NRN1L: variants seen among roughly 807,000 people sequenced by gnomAD.
NRN1L encodes the protein neuritin-like protein.
In NRN1L, 12 loss-of-function variants were observed where a neutral mutation model predicts 8.8. The observed-to-expected ratio is 1.36, with a 90% CI of 0.87 to 2.20. The LOEUF is 2.20. Among genes scored for constraint, NRN1L ranks in the 30% most tolerant of loss-of-function variants. The pLI, the probability that NRN1L is intolerant of heterozygous loss-of-function variation, is 0.00. For missense variants in NRN1L, 266 were observed against 232.4 expected, an observed-to-expected ratio of 1.14 and a Z score of -0.94; for synonymous variants, 114 against 99.2, an observed-to-expected ratio of 1.15 and a Z score of -0.88.
chr16:67,885,698 ACCCCACCCCCG>A lies in NRN1L; in HGVS notation c.80-17_80-7del. ...TCATCCTATCTACCATTCCTTCCCC[ACCCCACCCCCG>A]CCCCACTTCTAGTCCTTTTACCTCC... On this transcript the variant is annotated splice_polypyrimidine_tract_variant and intron_variant, in intron 1 of 2. Transcript: ENST00000339176. The A allele has an allele frequency of 1.0e-5, 7 of 680,258 alleles. No individual in the cohort carries two copies. Among genetic ancestry groups the A allele is most frequent in the Non-Finnish European group, 1.7e-5 (7 of 423,018 alleles). 42.1% of individuals were successfully genotyped at this position (680,258 alleles called of 1,614,324 possible).
downstream of NRN1L, among the ~76,000 whole-genome samples, chr16:67,888,457 T>G (rs2058102702): frequency 6.6e-6 from 1 of 152,036 alleles, no homozygotes; most frequent in Non-Finnish European, 1.5e-5. Flanking sequence ...TTCCCCTGGT[T>G]TTTGCTCTCT....
rs1402481690 is a variant in NRN1L at position 67,886,079 on chromosome 16, C to G, written c.318C>G (p.Pro106=). 9 of 1,613,360 alleles carry G rather than the reference C, an allele frequency of 5.6e-6. No individual in the cohort carries two copies. The Admixed American group carries it at 1.5e-4, about 27-fold the overall frequency. The change falls in exon 3 of 3, where the codon CCC becomes CCG. Residue 106 remains proline, a synonymous_variant. Coordinates refer to ENST00000339176, the MANE Select transcript of NRN1L (RefSeq NM_198443.2). The part of the protein sequence containing the change: ...ESLQQEARQA[P]RPNNLHTLCG... ...TACAGCAAGAAGCTCGCCAGGCCCCCCGTCCGAATAACTTGCACACTCTGT... is the reference window on the plus strand; with the variant it reads ...TACAGCAAGAAGCTCGCCAGGCCCCGCGTCCGAATAACTTGCACACTCTGT...
chr16:67,887,701 G>A (rs751243016), downstream of NRN1L, among the ~76,000 whole-genome samples: 1 of 151,428 alleles, frequency 6.6e-6, no homozygotes, highest in Non-Finnish European at 1.5e-5. Flanking sequence ...TCCTGCCTCA[G>A]CCTTCCGAGT....
intron 1 of NRN1L, 24 bp from the exon 2 acceptor site, chr16:67,885,698 A>AACC: frequency 2.9e-6 from 2 of 680,416 alleles, no homozygotes; most frequent in Non-Finnish European, 2.4e-6. Flanking sequence ...TTCCTTCCCC[A>AACC]CCCCACCCCC....
At chr16:67,885,291 C>G in intron 1 of NRN1L, 2 of 543,696 alleles carry the variant, frequency 3.7e-6, no homozygotes, top group Non-Finnish European at 6.5e-6. Flanking sequence ...ACCTCTGCAT[C>G]CTGCCTTGTC....
At chr16:67,885,461 G>C in intron 1 of NRN1L, 2 of 491,190 alleles carry the variant, frequency 4.1e-6, no homozygotes, top group South Asian at 2.9e-5. Context: ...CCCACCTGCG[G>C]CCCCAGAAGC....
chr16:67,888,282 A>G (rs1346787605), downstream of NRN1L, among the ~76,000 whole-genome samples: 1 of 152,134 alleles, frequency 6.6e-6, no homozygotes, highest in Non-Finnish European at 1.5e-5. Context: ...GAGGTGTGTC[A>G]TCTTGGGGTG....
rs1166352213 is a variant in NRN1L at position 67,884,902 on chromosome 16, G to A, written c.-2G>A. 2 of 1,604,602 alleles carry A rather than the reference G, an allele frequency of 1.2e-6. No individual in the cohort carries two copies. The highest frequency in any genetic ancestry group is 2.2e-5 in the South Asian group (2 of 91,084). On this transcript the variant is annotated 5_prime_UTR_variant, in exon 1 of 3. Transcript: ENST00000339176. This position sits in a 1 kb window ranked among gnomAD's most constrained non-coding sequence, Gnocchi z 4.1. ...GCTCCTGCACTAGGCTCTCAGCCAGGGATGATGCGCTGCTGCCGCCGCCGC... is the reference window on the plus strand; with the variant it reads ...GCTCCTGCACTAGGCTCTCAGCCAGAGATGATGCGCTGCTGCCGCCGCCGC...
downstream of NRN1L, chr16:67,886,464 C>A: frequency 5.2e-6 from 3 of 573,982 alleles, no homozygotes; most frequent in Non-Finnish European, 6.1e-6. Flanking sequence ...ATGGGCGGGG[C>A]TGAGGGCCAC....
intron 1 of NRN1L, 76 bp from the exon 2 acceptor site, chr16:67,885,646 C>A: frequency 8.3e-7 from 1 of 1,208,294 alleles, no homozygotes; most frequent in Non-Finnish European, 1.2e-6. Context: ...GTAAACAAGC[C>A]CCTGGGGGCT....
rs1156259917 is a variant in NRN1L, at chr16:67,884,984, T to C, written c.79+2T>C. ...GGCCGTTGCTGTTGCTGCCCCTCGG[T>C]GAGTGCGGGCATCCGGGGCCCGGGC... On this transcript the variant is annotated splice_donor_variant, in intron 1 of 2. Transcript: ENST00000339176. LOFTEE classifies it high-confidence loss of function. This position sits in a 1 kb window ranked among gnomAD's most constrained non-coding sequence, Gnocchi z 4.1. 40 of 1,606,426 alleles carry C rather than the reference T, an allele frequency of 2.5e-5. No individual in the cohort carries two copies. Among genetic ancestry groups the C allele is most frequent in the Non-Finnish European group, 3.2e-5 (38 of 1,179,000 alleles).
downstream of NRN1L, among the ~76,000 whole-genome samples, chr16:67,887,875 C>T (rs1016653841): frequency 1.4e-4 from 22 of 152,250 alleles, no homozygotes; most frequent in African/African-American, 4.1e-4. Flanking sequence ...CCACCGCGCC[C>T]GGCCTATTCT....
intron 1 of NRN1L, 29 bp from the exon 2 acceptor site, chr16:67,885,693 T>TGGG: frequency 8.0e-7 from 1 of 1,257,204 alleles, no homozygotes; most frequent in Non-Finnish European, 1.1e-6. Context: ...TACCATTCCT[T>TGGG]CCCCACCCCA....
In NRN1L at chr16:67,886,083, C is replaced by T. The variant is rs374302021; in HGVS notation, c.322C>T (p.Pro108Ser). The change falls in exon 3 of 3, where the codon CCG becomes TCG. Residue 108 changes from proline to serine, a missense_variant. Transcript: ENST00000339176. ...GCAAGAAGCTCGCCAGGCCCCCCGT[C>T]CGAATAACTTGCACACTCTGTGCGG... ...LQQEARQAPR[P>S]NNLHTLCGAP... 1 of 1,613,374 alleles carries T rather than the reference C, an allele frequency of 6.2e-7. No individual in the cohort carries two copies. Among genetic ancestry groups the T allele is most frequent in the African/African-American group, 1.3e-5 (1 of 74,926 alleles).
rs1313053728 is a variant in NRN1L, at chr16:67,885,768, T to G, written c.126T>G (p.Cys42Trp). The change falls in exon 2 of 3, where the codon TGT (cysteine) becomes TGG (tryptophan). Residue 42 changes from cysteine to tryptophan, a missense_variant. By Grantham distance (215) the Cys-to-Trp change is radical. Transcript: ENST00000339176. ...LAAAAAGPNRCDTIYQGFAEC... is the reference protein window; with the variant it reads ...LAAAAAGPNRWDTIYQGFAEC... ...CAGCTGCAGCGGGCCCAAACCGATG[T>G]GACACCATATACCAGGGCTTCGCCG... is the stretch of plus-strand genomic sequence containing the variant. The G allele has an allele frequency of 6.2e-7, 1 of 1,603,654 alleles. No individual in the cohort carries two copies. Among genetic ancestry groups the G allele is most frequent in the Non-Finnish European group, 8.5e-7 (1 of 1,174,656 alleles).
In NRN1L at chr16:67,885,826, C is replaced by T. The variant is rs755560871; in HGVS notation, c.184C>T (p.Arg62Cys). 19 of 1,578,198 alleles carry T rather than the reference C, an allele frequency of 1.2e-5. No homozygotes were observed. Among genetic ancestry groups the T allele is most frequent in the Middle Eastern group, 1.7e-4 (1 of 5,856 alleles). Reference sequence around the variant, plus strand: ...CATCCGCTTGGGGGACAGCATGGGCCGCGGAGGCGAGCTGGAGACCATCTG... The same window carrying T: ...CATCCGCTTGGGGGACAGCATGGGCTGCGGAGGCGAGCTGGAGACCATCTG... ...CLIRLGDSMG[R>C]GGELETICRS... Residue 62 changes from arginine to cysteine, a missense_variant, in exon 2 of 3, where the codon CGC becomes TGC. By Grantham distance (180) the Arg-to-Cys change is radical (BLOSUM62 -3). Coordinates refer to ENST00000339176, the MANE Select transcript of NRN1L (RefSeq NM_198443.2).
At position 67,886,277 on chromosome 16, in the gene NRN1L, C is replaced by T. The variant is rs1366275951; in HGVS notation, c.*18C>T. On this transcript the variant is annotated 3_prime_UTR_variant, in exon 3 of 3. Transcript: ENST00000339176. ...TGGCCTAGCTTGTTGGGTTGGGTAG[C>T]AGCGCCCGTACCTCCAGCCCTGCTC... is the stretch of plus-strand genomic sequence containing the variant. 1 of 1,564,496 alleles carries T rather than the reference C, an allele frequency of 6.4e-7. No individual in the cohort carries two copies. Among genetic ancestry groups the T allele is most frequent in the Non-Finnish European group, 8.6e-7 (1 of 1,160,828 alleles).
Position 67,885,712 on chromosome 16 carries a change from C to CCCCCACAA in NRN1L, c.80-9_80-8insCCCACAAC. The CCCCCACAA allele has an allele frequency of 3.3e-6, 5 of 1,510,456 alleles. No individual in the cohort carries two copies. The highest frequency in any genetic ancestry group is 4.5e-6 in the Non-Finnish European group (5 of 1,105,310). 93.6% of individuals were successfully genotyped at this position (1,510,456 alleles called of 1,614,324 possible). The stretch of plus-strand genomic sequence containing the variant: ...ATTCCTTCCCCACCCCACCCCCGCC[C>CCCCCACAA]CACTTCTAGTCCTTTTACCTCCCCT... On this transcript the variant is annotated splice_polypyrimidine_tract_variant and intron_variant, in intron 1 of 2. Coordinates refer to ENST00000339176, the MANE Select transcript of NRN1L (RefSeq NM_198443.2).
chr16:67,885,711 C>CCCCCAG lies in NRN1L; in HGVS notation c.80-9_80-8insCCAGCC. On this transcript the variant is annotated splice_polypyrimidine_tract_variant and intron_variant, in intron 1 of 2. Transcript: ENST00000339176. ...CATTCCTTCCCCACCCCACCCCCGC[C>CCCCCAG]CCACTTCTAGTCCTTTTACCTCCCC... is the stretch of plus-strand genomic sequence containing the variant. 6.6e-7 allele frequency: 1 copy of CCCCCAG among 1,504,306 alleles called. No individual in the cohort carries two copies. The highest frequency in any genetic ancestry group is 9.1e-7 in the Non-Finnish European group (1 of 1,100,152). The allele number at this position is 1,504,306 out of a possible 1,614,324, so 93.2% of individuals were successfully genotyped here. A position where few individuals can be genotyped will look rare whatever the true frequency, so the allele number is the denominator to read the frequency against.
Sources: allele counts gnomAD v4.1 joint callset (sites outside exome capture counted in the v4.1 genomes callset), GRCh38; gene constraint gnomAD v4.1.1; non-coding constraint Gnocchi (gnomAD v3.1); transcripts MANE v1.5; gene names NCBI Gene and HGNC (gene_info 2026-07-23, HGNC 2026-07-21).